The following SUSD4 variants were observed in gnomAD, a reference collection of about 807,000 sequenced individuals.
SUSD4 encodes sushi domain containing 4.
Under a neutral mutation model 50.5 loss-of-function variants are expected in SUSD4, and 41 were observed. The ratio of observed to expected loss-of-function variants is 0.81; its 90% CI spans 0.63 to 1.05. SUSD4 has a LOEUF of 1.05. Ranked by LOEUF, SUSD4 falls within the 50% of genes least tolerant of loss-of-function variation. The pLI is 0.00. For synonymous variants in SUSD4, 257 were observed against 257.3 expected, an observed-to-expected ratio of 1.00 and a Z score of 0.01; for missense variants, 580 against 634.7, an observed-to-expected ratio of 0.91 and a Z score of 0.93.
intron 2 of SUSD4, among the ~76,000 whole-genome samples, chr1:223,351,599 C>G (rs943427932): frequency 6.6e-6 from 1 of 152,062 alleles, no homozygotes; most frequent in Non-Finnish European, 1.5e-5. Flanking sequence ...CAGAGGGGCG[C>G]CCAGATGCAG....
chr1:223,249,469 C>G (rs970118872), intron 5 of SUSD4, among the ~76,000 whole-genome samples: 1 of 152,184 alleles, frequency 6.6e-6, no homozygotes, highest in Non-Finnish European at 1.5e-5. Flanking sequence ...CAGTCTTCCT[C>G]CCATAAATTT....
At chr1:223,292,724 G>A in intron 2 of SUSD4, 73 bp from the exon 3 acceptor site, 1 of 1,502,576 alleles carries the variant, frequency 6.7e-7, no homozygotes, top group Non-Finnish European at 9.1e-7. Context: ...CTACATAAAT[G>A]GCAGACCCTG....
chr1:223,229,071 T>C lies in SUSD4; in HGVS notation c.916+126A>G. ...CCCCATCGACCCGCAATGATATGTT[T>C]CGATATCCTGTTCCTGACACTGGGT... On this transcript the variant is annotated intron_variant, in intron 6 of 8. Transcript: ENST00000366878. This position sits in a 1 kb window ranked among gnomAD's most constrained non-coding sequence, Gnocchi z 4.7. 1.0e-6 allele frequency: 1 copy of C among 1,002,352 alleles called. No individual in the cohort carries two copies. The highest frequency in any genetic ancestry group is 1.5e-6 in the Non-Finnish European group (1 of 686,364). 62.1% of individuals were successfully genotyped at this position (1,002,352 alleles called of 1,614,324 possible).
chr1:223,362,016 A>G (rs1420164386), intron 2 of SUSD4, among the ~76,000 whole-genome samples: 2 of 152,198 alleles, frequency 1.3e-5, no homozygotes, highest in Non-Finnish European at 2.9e-5. Flanking sequence ...AAAAACTACA[A>G]GCATCCAAAA....
chr1:223,293,625 G>T (rs1373099031), intron 2 of SUSD4, among the ~76,000 whole-genome samples: 1 of 152,230 alleles, frequency 6.6e-6, no homozygotes, highest in Non-Finnish European at 1.5e-5. Context: ...GAGCAGTGGA[G>T]ACACAAGGAG....
intron 2 of SUSD4, among the ~76,000 whole-genome samples, chr1:223,307,116 C>T (rs1665584816): frequency 6.6e-6 from 1 of 152,106 alleles, no homozygotes; most frequent in African/African-American, 2.4e-5. Context: ...CCTCCTTGGC[C>T]TCCCAAAGTG....
intron 3 of SUSD4, among the ~76,000 whole-genome samples, chr1:223,278,009 C>A (rs1663401229): frequency 6.6e-6 from 1 of 152,100 alleles, no homozygotes; most frequent in African/African-American, 2.4e-5. Context: ...CATTCTAATG[C>A]AGGAGGTCTG....
intron 5 of SUSD4, among the ~76,000 whole-genome samples, chr1:223,240,859 G>T (rs1175313209): frequency 6.6e-6 from 1 of 152,110 alleles, no homozygotes; most frequent in Non-Finnish European, 1.5e-5. Flanking sequence ...GTTTCTTCTT[G>T]ATAACTGGAC....
At chr1:223,275,562 T>C (rs1041741928) in intron 3 of SUSD4, among the ~76,000 whole-genome samples, 3 of 152,210 alleles carry the variant, frequency 2.0e-5, no homozygotes, top group Admixed American at 1.3e-4. Flanking sequence ...GCTCTGCTCA[T>C]AGAGTGCACA....
chr1:223,223,563 G>A lies in SUSD4; in HGVS notation c.1130C>T (p.Pro377Leu), dbSNP rs1166039327. ...GCCACTCACAGCTTCGTCATAGGAC[G>A]GGAGCATGACGGGCACGCCGTCTAC... is the stretch of plus-strand genomic sequence containing the variant. ...VVVDGVPVML[P>L]SYDEAVSGGL... Residue 377 changes from proline (P) to leucine (L), a missense_variant, in exon 8 of 9, where the codon CCG (proline) becomes CTG (leucine). Pro to Leu is a moderately conservative substitution (Grantham distance 98). Transcript: ENST00000366878. The A allele has an allele frequency of 1.2e-6, 2 of 1,613,370 alleles. No homozygotes were observed. Among genetic ancestry groups the A allele is most frequent in the Non-Finnish European group, 1.7e-6 (2 of 1,179,784 alleles).
intron 5 of SUSD4, among the ~76,000 whole-genome samples, chr1:223,242,301 C>T (rs983389366): frequency 4.6e-5 from 7 of 152,098 alleles, no homozygotes; most frequent in Non-Finnish European, 7.4e-5. Flanking sequence ...AAAAAGTAAG[C>T]ATAAGGGTTT....
chr1:223,265,417 G>A (rs1018316953), intron 4 of SUSD4, among the ~76,000 whole-genome samples: 5 of 152,204 alleles, frequency 3.3e-5, no homozygotes, highest in African/African-American at 7.2e-5. Flanking sequence ...TCTCAAACTC[G>A]AGAATGATCC....
chr1:223,272,265 G>A (rs1662970628), intron 3 of SUSD4, among the ~76,000 whole-genome samples: 1 of 152,210 alleles, frequency 6.6e-6, no homozygotes, highest in Non-Finnish European at 1.5e-5. Flanking sequence ...TTACGTGTAT[G>A]AGGCATAAAT....
In SUSD4 at chr1:223,223,173, T is replaced by A. The variant is rs184379967; in HGVS notation, c.1444+76A>T. On this transcript the variant is annotated intron_variant, in intron 8 of 8. Transcript: ENST00000366878. The stretch of plus-strand genomic sequence containing the variant: ...TCTGTGCTGGGGGGTGGAGCGTGCG[T>A]AGCAAGGAGCTGGCTTGAAGATGCT... 3.5e-5 allele frequency: 52 copies of A among 1,493,280 alleles called. No individual in the cohort carries two copies. The African/African-American group carries it at 6.7e-4, about 19-fold the overall frequency. 92.5% of individuals were successfully genotyped at this position (1,493,280 alleles called of 1,614,324 possible). A position where few individuals can be genotyped will look rare whatever the true frequency, so the allele number is the denominator to read the frequency against.
At chr1:223,294,028 T>C (rs971848427) in intron 2 of SUSD4, among the ~76,000 whole-genome samples, 1 of 152,182 alleles carries the variant, frequency 6.6e-6, no homozygotes, top group African/African-American at 2.4e-5. Flanking sequence ...GCTGTGTGCA[T>C]AATGCTTTAA....
intron 5 of SUSD4, among the ~76,000 whole-genome samples, chr1:223,239,257 A>C (rs1435340710): frequency 6.6e-6 from 1 of 152,038 alleles, no homozygotes; most frequent in Non-Finnish European, 1.5e-5. Flanking sequence ...TCTTGTAAAA[A>C]ACAGATAGTT....
chr1:223,263,986 A>G, intron 5 of SUSD4: 1 of 985,464 alleles, frequency 1.0e-6, no homozygotes, highest in Non-Finnish European at 1.2e-6. Context: ...TCTGAGTTAA[A>G]GCAAGAGCTG....
intron 3 of SUSD4, among the ~76,000 whole-genome samples, chr1:223,288,286 A>G (rs1664271278): frequency 6.6e-6 from 1 of 152,150 alleles, no homozygotes; most frequent in African/African-American, 2.4e-5. Flanking sequence ...CTCTCCTGCC[A>G]CCATGTATGC....
chr1:223,363,177 T>A, intron 2 of SUSD4, 101 bp downstream of exon 2: 1 of 1,304,716 alleles, frequency 7.7e-7, no homozygotes, highest in Admixed American at 3.2e-5. Flanking sequence ...CCTCCTGAAG[T>A]CTGGGTGTAT....
Sources: allele counts gnomAD v4.1 joint callset (sites outside exome capture counted in the v4.1 genomes callset), GRCh38; gene constraint gnomAD v4.1.1; non-coding constraint Gnocchi (gnomAD v3.1); transcripts MANE v1.5; gene names NCBI Gene and HGNC (gene_info 2026-07-23, HGNC 2026-07-21).